Variants in SKOR2 observed in about 807,000 individuals in gnomAD.
SKOR2 encodes LBX1 corepressor 1-like protein.
SKOR2 carries 47 observed loss-of-function variants against 69.1 expected under a neutral mutation model. That is an observed-to-expected ratio of 0.68 (90% CI 0.54 to 0.87). SKOR2 has a LOEUF of 0.87. Among genes scored for constraint, SKOR2 ranks in the 40% least tolerant of loss-of-function variants. SKOR2 has a pLI of 0.00. For missense variants in SKOR2, 1,404 were observed against 1,472.2 expected, an observed-to-expected ratio of 0.95 and a Z score of 0.76; for synonymous variants, 717 against 672.6, an observed-to-expected ratio of 1.07 and a Z score of -1.02.
rs779584397 is a variant in SKOR2, at chr18:47,220,017, G to GGA, written c.2918-9_2918-8dup. On this transcript the variant is annotated splice_region_variant and splice_polypyrimidine_tract_variant and intron_variant, in intron 6 of 8. Coordinates refer to ENST00000425639, the MANE Select transcript of SKOR2 (RefSeq NM_001278063.4). ...ATCTGATCCTGAAAATTATCTGGTA[G>GGA]GAGAGAGAGATAGAGAAAGATTAAC... The GGA allele has an allele frequency of 6.5e-7, 1 of 1,533,160 alleles. No homozygotes were observed. Among genetic ancestry groups the GGA allele is most frequent in the Non-Finnish European group, 8.7e-7 (1 of 1,144,944 alleles). 95.0% of individuals were successfully genotyped at this position (1,533,160 alleles called of 1,614,324 possible).
At chr18:47,245,077 CTTA>C (rs2064265669) in intron 3 of SKOR2, 95 bp from the exon 4 acceptor site, 2 of 927,170 alleles carry the variant, frequency 2.2e-6, no homozygotes, top group Non-Finnish European at 3.2e-6. Flanking sequence ...GAGGATGCTA[CTTA>C]TTATATCTAA....
intron 4 of SKOR2, among the ~76,000 whole-genome samples, chr18:47,237,793 C>A (rs2064231106): frequency 6.6e-6 from 1 of 150,958 alleles, no homozygotes; most frequent in African/African-American, 2.4e-5. Context: ...TCCTTCTGGG[C>A]TCATGCGATC....
intron 6 of SKOR2, among the ~76,000 whole-genome samples, chr18:47,229,719 G>A (rs895241932): frequency 6.6e-6 from 1 of 152,112 alleles, no homozygotes. Flanking sequence ...GAGGTAATAT[G>A]ACTAAATCAA....
In SKOR2 at chr18:47,247,300, GC is replaced by G; in HGVS notation, c.1883del (p.Gly628AlafsTer154). 6.7e-7 allele frequency: 1 copy of G among 1,482,370 alleles called. No homozygotes were observed. The highest frequency in any genetic ancestry group is 2.9e-5 in the East Asian group (1 of 33,926). The allele number at this position is 1,482,370 out of a possible 1,614,324, so 91.8% of individuals were successfully genotyped here. ...CCAGGCTCTCCGCGTCGTCCTTGCC[GC>G]CCACTGGCCGGAAGGCGCTGGAATG... is the stretch of plus-strand genomic sequence containing the variant. ...YHHSSAFRPVGGKDDAESLAK... is the reference protein window; with the variant it reads ...YHHSSAFRPVXGKDDAESLAK... On this transcript the variant is annotated frameshift_variant, in exon 2 of 9. Transcript: ENST00000425639. LOFTEE classifies it high-confidence loss of function. This position sits in a 1 kb window ranked among gnomAD's most constrained non-coding sequence, Gnocchi z 6.6.
Position 47,245,001 on chromosome 18 carries a change from A to G in SKOR2, c.2678-19T>C. The G allele has an allele frequency of 6.5e-7, 1 of 1,530,352 alleles. No individual in the cohort carries two copies. Among genetic ancestry groups the G allele is most frequent in the African/African-American group, 1.4e-5 (1 of 72,866 alleles). The allele number at this position is 1,530,352 out of a possible 1,614,324, so 94.8% of individuals were successfully genotyped here. The stretch of plus-strand genomic sequence containing the variant: ...TTCTTATCTAGAACCAAAACAAAAC[A>G]CAAAATCTGCAAGTGATCCAACTGA... On this transcript the variant is annotated intron_variant, in intron 3 of 8. Transcript: ENST00000425639.
intron 7 of SKOR2, among the ~76,000 whole-genome samples, chr18:47,213,064 C>A (rs2064132804): frequency 6.6e-6 from 1 of 152,080 alleles, no homozygotes; most frequent in Non-Finnish European, 1.5e-5. Flanking sequence ...CTTTCGAATA[C>A]TGGGGTTTTG....
chr18:47,238,157 C>T (rs2064232823), intron 4 of SKOR2, among the ~76,000 whole-genome samples: 1 of 151,946 alleles, frequency 6.6e-6, no homozygotes, highest in African/African-American at 2.4e-5. Context: ...CTATTGTTGA[C>T]ACTTCATGAA....
chr18:47,227,814 T>G (rs1423258965), intron 6 of SKOR2, among the ~76,000 whole-genome samples: 1 of 152,192 alleles, frequency 6.6e-6, no homozygotes, highest in Admixed American at 6.5e-5. Context: ...CGACAGGAAT[T>G]ATTTGCCCCA....
chr18:47,246,605 T>A lies in SKOR2; in HGVS notation c.2579A>T (p.His860Leu). 6.6e-7 allele frequency: 1 copy of A among 1,524,410 alleles called. No individual in the cohort carries two copies. Among genetic ancestry groups the A allele is most frequent in the Non-Finnish European group, 8.8e-7 (1 of 1,142,054 alleles). 94.4% of individuals were successfully genotyped at this position (1,524,410 alleles called of 1,614,324 possible). A position where few individuals can be genotyped will look rare whatever the true frequency, so the allele number is the denominator to read the frequency against. Residue 860 changes from histidine to leucine, a missense_variant, in exon 2 of 9, where the codon CAT (histidine) becomes CTT (leucine). By Grantham distance (99) the His-to-Leu change is moderately conservative. Coordinates refer to ENST00000425639, the MANE Select transcript of SKOR2 (RefSeq NM_001278063.4). ...GSSSPGSPVH[H>L]PSLEEQPSYK... ...GGAGGGCTGCTCCTCCAGTGATGGA[T>A]GGTGAACTGGGCTGCCCGGGCTGCT...
intron 7 of SKOR2, among the ~76,000 whole-genome samples, chr18:47,217,155 C>T (rs562395289): frequency 4.6e-5 from 7 of 152,208 alleles, no homozygotes; most frequent in South Asian, 4.2e-4. Context: ...TATATCTAGC[C>T]GGATGGGCAT....
Position 47,228,178 on chromosome 18 carries a change from C to T in SKOR2, c.2917+2281G>A, listed in dbSNP as rs531940046. On this transcript the variant is annotated intron_variant, in intron 6 of 8. Coordinates refer to ENST00000425639, the MANE Select transcript of SKOR2 (RefSeq NM_001278063.4). ...ATAATGTGCATTTGCTATTTTCATCCGTGTGAAATTGACTGCCTCTTTGTG... is the reference window on the plus strand; with the variant it reads ...ATAATGTGCATTTGCTATTTTCATCTGTGTGAAATTGACTGCCTCTTTGTG... Among the ~76,000 whole-genome samples, 20 of 152,330 alleles carry T rather than the reference C, an allele frequency of 1.3e-4. No individual in the cohort carries two copies. In the East Asian group the frequency reaches 2.7e-3, roughly 21 times the overall value.
intron 4 of SKOR2, among the ~76,000 whole-genome samples, chr18:47,237,362 T>C (rs1193384530): frequency 6.6e-6 from 1 of 152,246 alleles, no homozygotes; most frequent in Non-Finnish European, 1.5e-5. Context: ...TTAATTAGCG[T>C]ATATGTCTAC....
At position 47,230,945 on chromosome 18, in the gene SKOR2, A is replaced by G. The variant is rs2064195475; in HGVS notation, c.2808T>C (p.Asn936=). The change falls in exon 5 of 9, where the codon AAT becomes AAC. Residue 936 remains asparagine (N), a synonymous_variant. Transcript: ENST00000425639. ...SPHSLKKDVE[N]MGKEELQKVL... ...GAAACTTTCATTTACCTTTCCCCAT[A>G]TTTTCTACATCCTTTTTCAGTGAAT... is the stretch of plus-strand genomic sequence containing the variant. The G allele has an allele frequency of 6.5e-7, 1 of 1,535,650 alleles. No homozygotes were observed. Among genetic ancestry groups the G allele is most frequent in the African/African-American group, 1.4e-5 (1 of 73,074 alleles).
rs1003939661 is a variant in SKOR2, at chr18:47,212,092, G to A, written c.3045C>T (p.Ser1015=). ...KEKLGAHLSK[S] ...TTTCCTCTGGTGATCTTACCTTTTA[G>A]CTTTTGCTGAGATGGGCGCCAAGCT... Residue 1015 remains serine (S), a synonymous_variant, in exon 8 of 9, where the codon AGC becomes AGT. Coordinates refer to ENST00000425639, the MANE Select transcript of SKOR2 (RefSeq NM_001278063.4). 4.0e-5 allele frequency: 49 copies of A among 1,231,836 alleles called. No homozygotes were observed. Among genetic ancestry groups the A allele is most frequent in the Non-Finnish European group, 4.6e-5 (45 of 987,868 alleles). 76.3% of individuals were successfully genotyped at this position (1,231,836 alleles called of 1,614,324 possible).
rs1309252263 is a variant in SKOR2 at position 47,227,360 on chromosome 18, C to T, written c.2917+3099G>A. On this transcript the variant is annotated intron_variant, in intron 6 of 8. Coordinates refer to ENST00000425639, the MANE Select transcript of SKOR2 (RefSeq NM_001278063.4). Reference sequence around the variant, plus strand: ...TTTTTTTTTTTTTTTTTTTTGGAGACGGAGTCTCCCTGTGTTGTCCAGGCT... The same window carrying T: ...TTTTTTTTTTTTTTTTTTTTGGAGATGGAGTCTCCCTGTGTTGTCCAGGCT... 1.5e-4 allele frequency among the ~76,000 whole-genome samples: 16 copies of T among 105,990 alleles called. No homozygotes were observed. In the East Asian group the frequency reaches 1.8e-3, roughly 12 times the overall value. 69.5% of individuals were successfully genotyped at this position (105,990 alleles called of 152,430 possible). A position where few individuals can be genotyped will look rare whatever the true frequency, so the allele number is the denominator to read the frequency against.
chr18:47,223,098 C>T (rs1479564127), intron 6 of SKOR2, among the ~76,000 whole-genome samples: 2 of 151,986 alleles, frequency 1.3e-5, no homozygotes, highest in Middle Eastern at 3.2e-3. Flanking sequence ...ACATAAAACA[C>T]CATAGTCAAC....
At chr18:47,235,067 A>C (rs976736311) in intron 4 of SKOR2, among the ~76,000 whole-genome samples, 8 of 152,116 alleles carry the variant, frequency 5.3e-5, no homozygotes, top group Admixed American at 2.6e-4. Context: ...GGAAGTGACT[A>C]AAAGCTGCTG....
At chr18:47,245,094 T>G (rs2064265724) in intron 3 of SKOR2, 112 bp from the exon 4 acceptor site, 1 of 817,306 alleles carries the variant, frequency 1.2e-6, no homozygotes, top group Non-Finnish European at 1.9e-6. Flanking sequence ...TATCTAAGTT[T>G]GAGAGCTATT....
chr18:47,234,345 G>T (rs1395275661), intron 4 of SKOR2: 1 of 151,712 alleles, frequency 6.6e-6, no homozygotes, highest in Non-Finnish European at 1.5e-5. Flanking sequence ...CTTCAGGTTG[G>T]CTACATTTTA....
Sources: allele counts gnomAD v4.1 joint callset (sites outside exome capture counted in the v4.1 genomes callset), GRCh38; gene constraint gnomAD v4.1.1; non-coding constraint Gnocchi (gnomAD v3.1); transcripts MANE v1.5; gene names NCBI Gene and HGNC (gene_info 2026-07-23, HGNC 2026-07-21).